The following SVEP1 variants were observed in gnomAD, a reference collection of about 807,000 sequenced individuals.
The protein encoded by SVEP1 is sushi, von Willebrand factor type A, EGF and pentraxin domain-containing protein 1.
A neutral mutation model predicts 367.3 loss-of-function variants in SVEP1; 164 were observed. The observed-to-expected ratio is 0.45, with a 90% CI of 0.39 to 0.51. The LOEUF is 0.51. SVEP1 is among the 20% of genes least tolerant of loss of function. The probability of loss-of-function intolerance (pLI) is 0.00; values close to 1 mark genes in which losing one functional copy is unlikely to be tolerated. For synonymous variants in SVEP1, 1,666 were observed against 1,611.6 expected (o/e 1.03, Z -0.81); for missense variants, 4,117 against 4,425.3 (o/e 0.93, Z 1.98).
chr9:110,551,027 G>A (rs1267780691), intron 1 of SVEP1, among the ~76,000 whole-genome samples: 1 of 151,940 alleles, frequency 6.6e-6, no homozygotes, highest in Non-Finnish European at 1.5e-5. Context: ...TATATTTTCT[G>A]GTAAGTTCTT....
chr9:110,479,791 T>G, intron 12 of SVEP1, 35 bp from the exon 13 acceptor site: 2 of 1,577,646 alleles, frequency 1.3e-6, no homozygotes, highest in African/African-American at 2.8e-5. Flanking sequence ...TTCAGTTGGT[T>G]AGTGTTTTTA....
intron 38 of SVEP1, 119 bp downstream of exon 38, chr9:110,406,041 T>C (rs1827949019): frequency 7.8e-7 from 1 of 1,276,348 alleles, no homozygotes; most frequent in Admixed American, 3.0e-5. Flanking sequence ...AAAGCACCAG[T>C]GTTTGGAGAG....
intron 40 of SVEP1, among the ~76,000 whole-genome samples, chr9:110,398,653 A>G (rs576401110): frequency 1.3e-5 from 2 of 152,138 alleles, no homozygotes; most frequent in Non-Finnish European, 2.9e-5. Flanking sequence ...TAAGAAAAAA[A>G]CAAACAACCC....
In SVEP1 at chr9:110,406,574, G is replaced by A. The variant is rs1418042672; in HGVS notation, c.9026C>T (p.Thr3009Ile). Residue 3009 changes from threonine to isoleucine, a missense_variant, in exon 38 of 48, where the codon ACA (threonine) becomes ATA (isoleucine). This residue lies in a region of SVEP1 where 1,765 missense variants were observed against 1,781.1 expected (regional missense o/e 0.99). Transcript: ENST00000374469. Reference sequence around the variant, plus strand: ...GACAGTTCCATATTCAATTACTGGTGTGGAACATCTGCAAGGCAGGCAGGA... The same window carrying A: ...GACAGTTCCATATTCAATTACTGGTATGGAACATCTGCAAGGCAGGCAGGA... Reference protein sequence around the residue: ...SPSCLPCRCSTPVIEYGTVNG... With the variant: ...SPSCLPCRCSIPVIEYGTVNG... 14 of 1,613,756 alleles carry A rather than the reference G, an allele frequency of 8.7e-6. No homozygotes were observed. The highest frequency in any genetic ancestry group is 2.2e-5 in the East Asian group (1 of 44,880).
chr9:110,463,159 G>C (rs1223609745), intron 18 of SVEP1, among the ~76,000 whole-genome samples: 1 of 151,836 alleles, frequency 6.6e-6, no homozygotes, highest in East Asian at 1.9e-4. Flanking sequence ...GGTAAAAGGT[G>C]GTGTCATCCT....
intron 31 of SVEP1, 48 bp downstream of exon 31, chr9:110,432,414 T>G: frequency 6.4e-7 from 1 of 1,554,882 alleles, no homozygotes; most frequent in Non-Finnish European, 8.7e-7. Flanking sequence ...GACTGTCATC[T>G]ACAGAGCTAG....
At chr9:110,471,727 TA>T in intron 15 of SVEP1, 130 bp from the exon 16 acceptor site, 1 of 694,444 alleles carries the variant, frequency 1.4e-6, no homozygotes, top group East Asian at 2.7e-5. Flanking sequence ...AGAAAAAAAA[TA>T]AAAATCTTTC....
chr9:110,579,412 C>G lies in SVEP1; in HGVS notation c.132G>C (p.Gly44=). Residue 44 remains glycine, a synonymous_variant, in exon 1 of 48, where the codon GGG becomes GGC. Coordinates refer to ENST00000374469, the MANE Select transcript of SVEP1 (RefSeq NM_153366.4). This position sits in a 1 kb window ranked among gnomAD's most constrained non-coding sequence, Gnocchi z 5.3. The part of the protein sequence containing the change: ...LFPETAPGAP[G]SIPAPPAPGD... Reference sequence around the variant, plus strand: ...CAGGAGCGGGCGGCGCGGGGATACTCCCGGGGGCCCCGGGCGCGGTCTCGG... The same window carrying G: ...CAGGAGCGGGCGGCGCGGGGATACTGCCGGGGGCCCCGGGCGCGGTCTCGG... 1 of 1,579,054 alleles carries G rather than the reference C, an allele frequency of 6.3e-7. No individual in the cohort carries two copies. The highest frequency in any genetic ancestry group is 8.6e-7 in the Non-Finnish European group (1 of 1,163,500).
intron 1 of SVEP1, among the ~76,000 whole-genome samples, chr9:110,561,549 G>A (rs919760458): frequency 6.6e-6 from 1 of 152,058 alleles, no homozygotes; most frequent in African/African-American, 2.4e-5. Flanking sequence ...AGGCCAAAAC[G>A]TTTTTAGTAA....
chr9:110,387,435 C>CAAGTGGAGTTTCACACCTGGTCTCTAAA lies in SVEP1; in HGVS notation c.9887-5_9909dup (p.Glu3304PhefsTer6), dbSNP rs1219790167. 1.2e-6 allele frequency: 2 copies of CAAGTGGAGTTTCACACCTGGTCTCTAAA among 1,610,400 alleles called. No individual in the cohort carries two copies. The highest frequency in any genetic ancestry group is 1.7e-6 in the Non-Finnish European group (2 of 1,179,022). On this transcript the variant is annotated stop_gained and frameshift_variant, in exon 42 of 48. Transcript: ENST00000374469. LOFTEE classifies it high-confidence loss of function. ...ATGTCAGCTTTCCCATTGAGAAATTCAAGTGGAGTTTCACACCTGGTCTCT... is the reference window on the plus strand; with the variant it reads ...ATGTCAGCTTTCCCATTGAGAAATTCAAGTGGAGTTTCACACCTGGTCTCTAAAAAGTGGAGTTTCACACCTGGTCTCT...
At chr9:110,445,755 C>G in intron 26 of SVEP1, 82 bp downstream of exon 26, 1 of 1,491,192 alleles carries the variant, frequency 6.7e-7, no homozygotes, top group African/African-American at 1.4e-5. Flanking sequence ...CCTCTACTTT[C>G]CCATTTCCCA....
At chr9:110,449,885 T>G (rs563799046) in intron 24 of SVEP1, among the ~76,000 whole-genome samples, 174 bp downstream of exon 24, 14 of 152,280 alleles carry the variant, frequency 9.2e-5, no homozygotes, top group African/African-American at 3.4e-4. Flanking sequence ...TAGGCTCTAC[T>G]TCAGGCTTAG....
In SVEP1 at chr9:110,489,652, A is replaced by G. The variant is rs768474278; in HGVS notation, c.1928T>C (p.Ile643Thr). 118 of 1,611,976 alleles carry G rather than the reference A, an allele frequency of 7.3e-5. 2 individuals are homozygous for G. The highest frequency in any genetic ancestry group is 5.3e-5 in the Non-Finnish European group (62 of 1,178,890). ...QASCIFHIKV[I>T]DAEPPVIDWC... ...AACAACCAAACTATATCACTTACCA[A>G]TAACCTTGATATGGAAAATGCAGCT... The change falls in exon 9 of 48, where the codon ATT becomes ACT. Residue 643 changes from isoleucine to threonine, a missense_variant and splice_region_variant. This residue lies in a region of SVEP1 where 2,174 missense variants were observed against 2,494.3 expected (regional missense o/e 0.87). Coordinates refer to ENST00000374469, the MANE Select transcript of SVEP1 (RefSeq NM_153366.4).
chr9:110,569,148 G>A (rs11788554), intron 1 of SVEP1, among the ~76,000 whole-genome samples: 18,230 of 151,366 alleles, frequency 0.12, 1,292 homozygotes, highest in Non-Finnish European at 0.16. Context: ...AACATACTTG[G>A]CATTAGCAAC....
At chr9:110,415,534 T>A (rs1828106778) in intron 36 of SVEP1, among the ~76,000 whole-genome samples, 1 of 151,880 alleles carries the variant, frequency 6.6e-6, no homozygotes, top group Non-Finnish European at 1.5e-5. Context: ...GTAAGACAGG[T>A]CATATTTTAC....
chr9:110,557,189 G>T (rs192201930), intron 1 of SVEP1, among the ~76,000 whole-genome samples: 27 of 152,254 alleles, frequency 1.8e-4, no homozygotes, highest in Admixed American at 5.9e-4. Context: ...ATATATTCTA[G>T]TATGTTTTCA....
At chr9:110,461,635 A>G (rs1287050842) in intron 18 of SVEP1, among the ~76,000 whole-genome samples, 1 of 152,334 alleles carries the variant, frequency 6.6e-6, no homozygotes. Context: ...CAAGACATGT[A>G]GATCAAAATT....
chr9:110,554,085 C>T (rs1830325220), intron 1 of SVEP1, among the ~76,000 whole-genome samples: 1 of 152,016 alleles, frequency 6.6e-6, no homozygotes, highest in African/African-American at 2.4e-5. Context: ...CTGTTCTTTC[C>T]CTGGGTATAA....
intron 27 of SVEP1, among the ~76,000 whole-genome samples, chr9:110,437,394 T>A (rs1016320232): frequency 6.6e-6 from 1 of 152,192 alleles, no homozygotes; most frequent in Non-Finnish European, 1.5e-5. Context: ...TGTGTTTTAC[T>A]GTCATATTTT....
Sources: gnomAD v4.1 joint callset for allele counts (sites outside exome capture counted in the v4.1 genomes callset) on GRCh38, gnomAD v4.1.1 for gene constraint, gnomAD v4.1.1 regional missense constraint, Gnocchi (gnomAD v3.1) non-coding constraint, MANE v1.5 for transcripts, NCBI Gene and HGNC (gene_info 2026-07-23, HGNC 2026-07-21) for gene names.